Variants in CERS3 observed in about 807,000 individuals in gnomAD.
The protein encoded by CERS3 is ceramide synthase 3.
A neutral mutation model predicts 50.3 loss-of-function variants in CERS3; 33 were observed. The observed-to-expected ratio is 0.66, with a 90% CI of 0.50 to 0.88. The LOEUF (loss-of-function observed/expected upper bound fraction) is 0.88. CERS3 is among the 40% of genes least tolerant of loss of function. The pLI, the probability that CERS3 is intolerant of heterozygous loss-of-function variation, is 0.00. For synonymous variants in CERS3, 176 were observed against 155.2 expected, an observed-to-expected ratio of 1.13 and a Z score of -0.99; for missense variants, 470 against 460.3, an observed-to-expected ratio of 1.02 and a Z score of -0.19.
intron 11 of CERS3, among the ~76,000 whole-genome samples, chr15:100,435,292 G>A (rs1163449280): frequency 6.6e-6 from 1 of 152,178 alleles, no homozygotes; most frequent in African/African-American, 2.4e-5. Context: ...GACTAAGTCA[G>A]TCCTGAGTGA....
chr15:100,405,762 A>G (rs966609736), intron 11 of CERS3, among the ~76,000 whole-genome samples: 3 of 152,226 alleles, frequency 2.0e-5, no homozygotes, highest in African/African-American at 7.2e-5. Context: ...CTGCACAAAT[A>G]TACACACATG....
intron 10 of CERS3, among the ~76,000 whole-genome samples, chr15:100,456,618 C>T (rs1298325032): frequency 6.6e-6 from 1 of 152,146 alleles, no homozygotes; most frequent in Non-Finnish European, 1.5e-5. Context: ...TTGAACTGCT[C>T]CTGATGACCT....
chr15:100,522,654 G>C (rs1428274151), intron 1 of CERS3, among the ~76,000 whole-genome samples: 2 of 152,164 alleles, frequency 1.3e-5, no homozygotes, highest in Non-Finnish European at 2.9e-5. Context: ...CATTTTCGTT[G>C]ACTTTTAATA....
intron 10 of CERS3, among the ~76,000 whole-genome samples, chr15:100,466,114 C>T (rs1209659808): frequency 6.6e-6 from 1 of 152,200 alleles, no homozygotes; most frequent in Non-Finnish European, 1.5e-5. Flanking sequence ...TAACTCAATT[C>T]TCCTTGAAAA....
At chr15:100,454,354 C>A (rs1411753434) in intron 11 of CERS3, among the ~76,000 whole-genome samples, 1 of 139,484 alleles carries the variant, frequency 7.2e-6, no homozygotes, top group Non-Finnish European at 1.5e-5. Flanking sequence ...CATGCCCCTG[C>A]ACTCTAGCCT....
At chr15:100,438,676 T>G (rs1326774919) in intron 11 of CERS3, among the ~76,000 whole-genome samples, 1 of 152,244 alleles carries the variant, frequency 6.6e-6, no homozygotes, top group African/African-American at 2.4e-5. Flanking sequence ...GTTCAGTGTA[T>G]GTAAAGTGTC....
At chr15:100,451,458 C>T (rs1472193777) in intron 11 of CERS3, among the ~76,000 whole-genome samples, 1 of 152,148 alleles carries the variant, frequency 6.6e-6, no homozygotes, top group Non-Finnish European at 1.5e-5. Context: ...AATCCCAGCA[C>T]TTTGGGAGGC....
At chr15:100,446,418 C>A (rs1178787284) in intron 11 of CERS3, among the ~76,000 whole-genome samples, 1 of 146,712 alleles carries the variant, frequency 6.8e-6, no homozygotes, top group African/African-American at 2.5e-5. Flanking sequence ...ATTTCCCATA[C>A]CTCTGTGAAG....
In CERS3 at chr15:100,476,833, G is replaced by C. The variant is rs113151176; in HGVS notation, c.517-655C>G. The stretch of plus-strand genomic sequence containing the variant: ...CTTCTGATATCTAAGCCCTTGTGCA[G>C]TCTCCTCCAACACTGACTATGGACT... On this transcript the variant is annotated intron_variant, in intron 7 of 11. Coordinates refer to ENST00000679737, the MANE Select transcript of CERS3 (RefSeq NM_001378789.1). 7.9e-3 allele frequency among the ~76,000 whole-genome samples: 1,203 copies of C among 152,278 alleles called. 19 individuals are homozygous for C. Among genetic ancestry groups the C allele is most frequent in the African/African-American group, 0.027 (1,120 of 41,532 alleles).
intron 3 of CERS3, among the ~76,000 whole-genome samples, chr15:100,499,267 C>A (rs2142322638): frequency 6.6e-6 from 1 of 152,270 alleles, no homozygotes; most frequent in East Asian, 1.9e-4. Context: ...GGTTAGGTTT[C>A]TTTTAAATCA....
chr15:100,483,253 C>T (rs1270782351), intron 5 of CERS3, among the ~76,000 whole-genome samples: 1 of 152,168 alleles, frequency 6.6e-6, no homozygotes, highest in Non-Finnish European at 1.5e-5. Flanking sequence ...CTGGTGTACA[C>T]TCCCATGTGC....
chr15:100,506,927 A>G (rs1366132678), intron 2 of CERS3, among the ~76,000 whole-genome samples: 1 of 152,204 alleles, frequency 6.6e-6, no homozygotes, highest in Non-Finnish European at 1.5e-5. Context: ...AAATGGGTGA[A>G]TTGCATGGTA....
At chr15:100,509,792 A>G (rs1183233643) in intron 2 of CERS3, among the ~76,000 whole-genome samples, 1 of 152,124 alleles carries the variant, frequency 6.6e-6, no homozygotes, top group Non-Finnish European at 1.5e-5. Context: ...GTAGACACCA[A>G]ATGAATATTT....
chr15:100,488,326 G>T (rs2035546910), intron 4 of CERS3, among the ~76,000 whole-genome samples: 2 of 152,216 alleles, frequency 1.3e-5, no homozygotes. Context: ...TTTCAATCAA[G>T]TCAGGTGTTA....
chr15:100,483,787 A>ATTATTTTTTTTTTTTTT lies in CERS3; in HGVS notation c.407+762_407+763insAAAAAAAAAAAAAATAA, dbSNP rs760594142. On this transcript the variant is annotated intron_variant, in intron 5 of 11. Coordinates refer to ENST00000679737, the MANE Select transcript of CERS3 (RefSeq NM_001378789.1). The stretch of plus-strand genomic sequence containing the variant: ...AATAATAATAATAATTATTATTATT[A>ATTATTTTTTTTTTTTTT]TTTTTTTTTTTGAGACAGAGTCTTG... 9.0e-5 allele frequency among the ~76,000 whole-genome samples: 9 copies of ATTATTTTTTTTTTTTTT among 100,026 alleles called. 1 individual carries two copies. Among genetic ancestry groups the ATTATTTTTTTTTTTTTT allele is most frequent in the African/African-American group, 2.3e-4 (6 of 26,134 alleles). 65.6% of individuals were successfully genotyped at this position (100,026 alleles called of 152,430 possible).
At chr15:100,449,664 C>G (rs972770328) in intron 11 of CERS3, among the ~76,000 whole-genome samples, 2 of 152,188 alleles carry the variant, frequency 1.3e-5, no homozygotes, top group Admixed American at 1.3e-4. Context: ...CACATAATGA[C>G]TACAATATTG....
chr15:100,457,676 G>C (rs1029199568), intron 10 of CERS3, among the ~76,000 whole-genome samples: 1 of 152,200 alleles, frequency 6.6e-6, no homozygotes, highest in African/African-American at 2.4e-5. Context: ...TTTTTCAAGG[G>C]TAAGTATATA....
intron 2 of CERS3, among the ~76,000 whole-genome samples, chr15:100,518,755 A>C (rs949362914): frequency 2.6e-5 from 4 of 152,218 alleles, no homozygotes; most frequent in Non-Finnish European, 5.9e-5. Context: ...GGGATCAAAC[A>C]TGTGGCAATG....
At chr15:100,449,969 C>T (rs1419421249) in intron 11 of CERS3, among the ~76,000 whole-genome samples, 1 of 151,876 alleles carries the variant, frequency 6.6e-6, no homozygotes, top group Non-Finnish European at 1.5e-5. Context: ...TATAAGAGAA[C>T]ACAGATAAAC....
Sources: allele counts gnomAD v4.1 joint callset (sites outside exome capture counted in the v4.1 genomes callset), GRCh38; gene constraint gnomAD v4.1.1; transcripts MANE v1.5; gene names NCBI Gene and HGNC (gene_info 2026-07-23, HGNC 2026-07-21).